TANC1: variants seen among roughly 807,000 people sequenced by gnomAD.
TANC1 encodes the protein protein TANC1.
Under a neutral mutation model 149.7 loss-of-function variants are expected in TANC1, and 77 were observed. That is an observed-to-expected ratio of 0.51 (90% confidence interval 0.43 to 0.62). The LOEUF (loss-of-function observed/expected upper bound fraction) is 0.62. Ranked by LOEUF, TANC1 falls within the 20% of genes least tolerant of loss-of-function variation. The probability of loss-of-function intolerance (pLI) is 0.00; values close to 1 mark genes in which losing one functional copy is unlikely to be tolerated. For missense variants in TANC1, 1,985 were observed against 2,321.8 expected (o/e 0.85, Z 2.98); for synonymous variants, 854 against 925.0 (o/e 0.92, Z 1.39).
chr2:159,163,979 A>AG (rs1432228358), intron 8 of TANC1, among the ~76,000 whole-genome samples: 5 of 152,204 alleles, frequency 3.3e-5, no homozygotes, highest in African/African-American at 1.2e-4. Flanking sequence ...TACAGGCAAG[A>AG]GGGCCGAATT....
intron 4 of TANC1, among the ~76,000 whole-genome samples, chr2:159,100,446 C>T (rs1423693232): frequency 2.6e-5 from 4 of 152,118 alleles, no homozygotes; most frequent in African/African-American, 9.7e-5. Context: ...AAGAAAATAT[C>T]CTCAAGTTTT....
chr2:159,180,744 T>C (rs2056388878), intron 14 of TANC1, among the ~76,000 whole-genome samples: 1 of 152,254 alleles, frequency 6.6e-6, no homozygotes, highest in Non-Finnish European at 1.5e-5. Context: ...GGAAGGAAGC[T>C]ACTGGATTCA....
chr2:159,086,320 G>C (rs1425729469), intron 3 of TANC1, among the ~76,000 whole-genome samples: 1 of 152,098 alleles, frequency 6.6e-6, no homozygotes, highest in East Asian at 1.9e-4. Flanking sequence ...CACCTAGGGT[G>C]AGGCACTAGA....
At chr2:159,074,461 G>T (rs770254848) in intron 3 of TANC1, among the ~76,000 whole-genome samples, 12 of 152,168 alleles carry the variant, frequency 7.9e-5, no homozygotes, top group Non-Finnish European at 1.8e-4. Flanking sequence ...GCTGATAGCA[G>T]AGGCTAAGAG....
At chr2:159,203,702 G>A (rs2058411364) in intron 19 of TANC1, among the ~76,000 whole-genome samples, 1 of 143,234 alleles carries the variant, frequency 7.0e-6, no homozygotes, top group African/African-American at 2.6e-5. Context: ...GAGTAGCTAG[G>A]ACTACAGGCA....
intron 8 of TANC1, among the ~76,000 whole-genome samples, chr2:159,164,475 A>G (rs1249490355): frequency 6.6e-6 from 1 of 152,144 alleles, no homozygotes; most frequent in Non-Finnish European, 1.5e-5. Flanking sequence ...TCCAGTGCAT[A>G]GTGAAGGATG....
chr2:159,004,133 A>G (rs538895920), intron 2 of TANC1: 261 of 1,612,292 alleles, frequency 1.6e-4, no homozygotes, highest in Middle Eastern at 4.4e-4. Flanking sequence ...CAATCACAGA[A>G]ATGCTTCCTG....
At chr2:159,057,773 G>A (rs748939581) in intron 2 of TANC1, among the ~76,000 whole-genome samples, 1 of 152,200 alleles carries the variant, frequency 6.6e-6, no homozygotes, top group Non-Finnish European at 1.5e-5. Context: ...GGAAGCAGGT[G>A]TATAAACAAT....
intron 4 of TANC1, among the ~76,000 whole-genome samples, chr2:159,116,936 C>G (rs2048326616): frequency 6.6e-6 from 1 of 152,202 alleles, no homozygotes; most frequent in African/African-American, 2.4e-5. Context: ...ATTTGAACTT[C>G]AGTCTAATTC....
intron 3 of TANC1, among the ~76,000 whole-genome samples, chr2:159,092,323 AT>A: frequency 6.6e-6 from 1 of 151,952 alleles, no homozygotes; most frequent in East Asian, 1.9e-4. Context: ...CGTTGCCCTC[AT>A]TTTTTAAAGC....
intron 4 of TANC1, among the ~76,000 whole-genome samples, chr2:159,107,877 G>A (rs1193647607): frequency 2.0e-5 from 3 of 152,100 alleles, no homozygotes; most frequent in Non-Finnish European, 2.9e-5. Context: ...TTTATTTCGC[G>A]TCTCTGCCCT....
intron 2 of TANC1, among the ~76,000 whole-genome samples, chr2:159,031,232 ATC>A (rs1559150718): frequency 6.6e-6 from 1 of 152,184 alleles, no homozygotes; most frequent in South Asian, 2.1e-4. Flanking sequence ...AGCTATTTAA[ATC>A]TCTATCTTAG....
intron 2 of TANC1, among the ~76,000 whole-genome samples, chr2:159,022,551 C>T (rs978214817): frequency 6.6e-6 from 1 of 152,034 alleles, no homozygotes; most frequent in African/African-American, 2.4e-5. Context: ...TTGAGACCAG[C>T]CTGGCTAACA....
chr2:159,139,151 T>C (rs2051095597), intron 5 of TANC1, among the ~76,000 whole-genome samples: 1 of 152,112 alleles, frequency 6.6e-6, no homozygotes, highest in African/African-American at 2.4e-5. Context: ...GAGGATTGCT[T>C]GAGACTGGGA....
At chr2:159,122,897 T>C (rs1407317421) in intron 4 of TANC1, among the ~76,000 whole-genome samples, 1 of 152,148 alleles carries the variant, frequency 6.6e-6, no homozygotes, top group Non-Finnish European at 1.5e-5. Context: ...TTTTAAGTTT[T>C]AGCCATCCTA....
rs767811874 is a variant in TANC1 at position 159,219,300 on chromosome 2, G to C, written c.3441G>C (p.Thr1147=). The C allele has an allele frequency of 2.5e-6, 4 of 1,614,130 alleles. No individual in the cohort carries two copies. The highest frequency in any genetic ancestry group is 3.4e-6 in the Non-Finnish European group (4 of 1,180,026). The part of the protein sequence containing the change: ...DVNLSDKQGR[T]PLMVAACEGH... Reference sequence around the variant, plus strand: ...ACCTAAGTGACAAGCAAGGCCGGACGCCCCTCATGGTGGCTGCTTGTGAAG... The same window carrying C: ...ACCTAAGTGACAAGCAAGGCCGGACCCCCCTCATGGTGGCTGCTTGTGAAG... The change falls in exon 21 of 27, where the codon ACG becomes ACC. Residue 1147 remains threonine (T), a synonymous_variant. Coordinates refer to ENST00000263635, the MANE Select transcript of TANC1 (RefSeq NM_033394.3).
chr2:159,108,035 A>T (rs2047361046), intron 4 of TANC1, among the ~76,000 whole-genome samples: 1 of 152,218 alleles, frequency 6.6e-6, no homozygotes, highest in Non-Finnish European at 1.5e-5. Context: ...ATAGGTAAGT[A>T]ACTGTTAAAA....
intron 4 of TANC1, among the ~76,000 whole-genome samples, chr2:159,122,766 C>CTTT (rs35478930): frequency 6.9e-6 from 1 of 144,348 alleles, no homozygotes; most frequent in Non-Finnish European, 1.5e-5. Flanking sequence ...CTTTTTTCTT[C>CTTT]TTTTTTTTTT....
intron 3 of TANC1, among the ~76,000 whole-genome samples, chr2:159,085,835 C>T (rs992799781): frequency 2.0e-5 from 3 of 152,148 alleles, no homozygotes; most frequent in Non-Finnish European, 2.9e-5. Context: ...GATTACATTT[C>T]CACATGAAAT....
Sources: gnomAD v4.1 joint callset for allele counts (sites outside exome capture counted in the v4.1 genomes callset) on GRCh38, gnomAD v4.1.1 for gene constraint, MANE v1.5 for transcripts, NCBI Gene and HGNC (gene_info 2026-07-23, HGNC 2026-07-21) for gene names.